Variants in CCDC69 observed in about 807,000 individuals in gnomAD.
CCDC69 encodes coiled-coil domain containing 69, also known as coiled-coil domain-containing protein 69.
In CCDC69, 38 loss-of-function variants were observed where a neutral mutation model predicts 40.3. The ratio of observed to expected loss-of-function variants is 0.94; its 90% CI spans 0.73 to 1.24. The LOEUF (loss-of-function observed/expected upper bound fraction) is 1.24, where lower values mean the gene tolerates loss of function less well. CCDC69 is among the 50% of genes most tolerant of loss of function. The pLI is 0.00. For synonymous variants in CCDC69, 141 were observed against 138.9 expected (o/e 1.02, Z -0.11); for missense variants, 389 against 357.9 (o/e 1.09, Z -0.70).
intron 1 of CCDC69, among the ~76,000 whole-genome samples, chr5:151,219,164 C>G (rs1029540081): frequency 1.3e-5 from 2 of 152,292 alleles, no homozygotes; most frequent in Non-Finnish European, 2.9e-5. Flanking sequence ...GCAGAGGCAG[C>G]TTTCCTTCAC....
intron 3 of CCDC69, among the ~76,000 whole-genome samples, chr5:151,200,628 T>C (rs1195516195): frequency 6.6e-6 from 1 of 152,194 alleles, no homozygotes; most frequent in Non-Finnish European, 1.5e-5. Flanking sequence ...GTGACCAAGT[T>C]AGAATGAGGA....
At chr5:151,186,241 T>C (rs2113984632) in intron 5 of CCDC69, 117 bp from the exon 6 acceptor site, 1 of 737,712 alleles carries the variant, frequency 1.4e-6, no homozygotes. Context: ...CTTTGGCTAC[T>C]CTACATGACA....
chr5:151,186,275 C>T (rs930507328), intron 5 of CCDC69, 151 bp from the exon 6 acceptor site: 4 of 647,666 alleles, frequency 6.2e-6, no homozygotes, highest in Non-Finnish European at 1.1e-5. Context: ...ATACTTCGAC[C>T]ACTGCTTGAG....
intron 1 of CCDC69, among the ~76,000 whole-genome samples, chr5:151,223,490 T>C (rs1302078886): frequency 1.3e-5 from 2 of 152,262 alleles, no homozygotes; most frequent in Non-Finnish European, 2.9e-5. Flanking sequence ...CCAGGGATGC[T>C]GATACTGCGA....
At chr5:151,217,581 G>T (rs548587958) in intron 1 of CCDC69, among the ~76,000 whole-genome samples, 3 of 152,322 alleles carry the variant, frequency 2.0e-5, no homozygotes, top group South Asian at 2.1e-4. Context: ...GGCTCTTCTG[G>T]AGGCTCTGAG....
chr5:151,211,638 C>A (rs1447586766), intron 1 of CCDC69, among the ~76,000 whole-genome samples: 1 of 151,538 alleles, frequency 6.6e-6, no homozygotes, highest in Non-Finnish European at 1.5e-5. Context: ...ATTCTCCTGC[C>A]TCAGCCTCCA....
In CCDC69 at chr5:151,206,925, C is replaced by A. The variant is rs189718680; in HGVS notation, c.49-1450G>T. On this transcript the variant is annotated intron_variant, in intron 1 of 8. Transcript: ENST00000355417. ...GATTACAGGTGTGAGCCACCGCACT[C>A]GACCTTTTTTTACTTTTTGAGACAG... Among the ~76,000 whole-genome samples, 842 of 146,298 alleles carry A rather than the reference C, an allele frequency of 5.8e-3. 8 individuals carry two copies. The highest frequency in any genetic ancestry group is 0.019 in the African/African-American group (751 of 39,476).
chr5:151,198,575 T>G (rs1752733998), intron 4 of CCDC69, among the ~76,000 whole-genome samples: 1 of 152,200 alleles, frequency 6.6e-6, no homozygotes, highest in Non-Finnish European at 1.5e-5. Flanking sequence ...AGTTTCCAAA[T>G]TTTCTGTGAT....
intron 1 of CCDC69, among the ~76,000 whole-genome samples, chr5:151,216,405 GA>G (rs968836891): frequency 7.5e-5 from 11 of 146,904 alleles, no homozygotes; most frequent in Middle Eastern, 3.5e-3. Context: ...AAATTATTAG[GA>G]TTTTTTTTTT....
chr5:151,206,178 T>G (rs1046492191), intron 1 of CCDC69, among the ~76,000 whole-genome samples: 1 of 152,138 alleles, frequency 6.6e-6, no homozygotes, highest in Non-Finnish European at 1.5e-5. Context: ...AACACTTACT[T>G]ATAATGACTG....
At chr5:151,185,693 A>AAT in intron 6 of CCDC69, 152 bp from the exon 7 acceptor site, 1 of 806,870 alleles carries the variant, frequency 1.2e-6, no homozygotes, top group East Asian at 2.5e-5. Flanking sequence ...CCTGTATCCG[A>AAT]ATATCACCTT....
intron 7 of CCDC69, 119 bp downstream of exon 7, chr5:151,185,303 G>C: frequency 8.5e-7 from 1 of 1,174,156 alleles, no homozygotes; most frequent in Middle Eastern, 2.8e-4. Context: ...GCAGGTCAAA[G>C]CTGGAGTGAA....
At position 151,197,625 on chromosome 5, in the gene CCDC69, T is replaced by C. The variant is rs369792340; in HGVS notation, c.319+1372A>G. On this transcript the variant is annotated intron_variant, in intron 4 of 8. Coordinates refer to ENST00000355417, the MANE Select transcript of CCDC69 (RefSeq NM_015621.3). Reference sequence around the variant, plus strand: ...CCTTTTGGGGTGATGGCACTGTGAATGTATTAAATGTCACTAATGGTAAAT... The same window carrying C: ...CCTTTTGGGGTGATGGCACTGTGAACGTATTAAATGTCACTAATGGTAAAT... Among the ~76,000 whole-genome samples, 5 of 152,316 alleles carry C rather than the reference T, an allele frequency of 3.3e-5. No homozygotes were observed. In the East Asian group the frequency reaches 7.7e-4, roughly 23 times the overall value.
intron 4 of CCDC69, among the ~76,000 whole-genome samples, chr5:151,192,096 A>AG (rs1752621263): frequency 6.8e-6 from 1 of 147,818 alleles, no homozygotes; most frequent in South Asian, 2.1e-4. Context: ...GGAAAAAAAA[A>AG]AAAAAAAAAA....
At chr5:151,213,862 C>T (rs1363214280) in intron 1 of CCDC69, among the ~76,000 whole-genome samples, 3 of 152,234 alleles carry the variant, frequency 2.0e-5, no homozygotes, top group East Asian at 1.9e-4. Flanking sequence ...CCAGCTCCTC[C>T]GTGTCCCATA....
At chr5:151,218,724 A>T (rs755302574) in intron 1 of CCDC69, among the ~76,000 whole-genome samples, 1 of 152,232 alleles carries the variant, frequency 6.6e-6, no homozygotes, top group South Asian at 2.1e-4. Context: ...TTCCCTTTTT[A>T]TGACAAAAAA....
chr5:151,223,895 A>G (rs768284210), intron 1 of CCDC69, 28 bp downstream of exon 1: 8 of 1,589,720 alleles, frequency 5.0e-6, no homozygotes, highest in South Asian at 1.1e-5. Context: ...CTCCTCTGAA[A>G]GCAAACTTCT....
At chr5:151,221,616 G>A (rs1753135978) in intron 1 of CCDC69, among the ~76,000 whole-genome samples, 1 of 152,266 alleles carries the variant, frequency 6.6e-6, no homozygotes, top group Admixed American at 6.5e-5. Context: ...CCAACTGGCT[G>A]TGTGACTTTG....
chr5:151,186,220 C>A lies in CCDC69; in HGVS notation c.394-96G>T, dbSNP rs1055414298. On this transcript the variant is annotated intron_variant, in intron 5 of 8. Coordinates refer to ENST00000355417, the MANE Select transcript of CCDC69 (RefSeq NM_015621.3). ...CCCAGAGGGAGAACGGTTTTGGGTT[C>A]TTCAATCTGTCTTTGGCTACTCTAC... The A allele has an allele frequency of 1.6e-4, 132 of 825,160 alleles. 1 individual carries two copies. Among genetic ancestry groups the A allele is most frequent in the South Asian group, 9.7e-4 (72 of 73,944 alleles). 51.1% of individuals were successfully genotyped at this position (825,160 alleles called of 1,614,324 possible).
Sources: gnomAD v4.1 joint callset for allele counts (sites outside exome capture counted in the v4.1 genomes callset) on GRCh38, gnomAD v4.1.1 for gene constraint, MANE v1.5 for transcripts, NCBI Gene and HGNC (gene_info 2026-07-23, HGNC 2026-07-21) for gene names.